ZBTB20: variants seen among roughly 807,000 people sequenced by gnomAD.
The protein encoded by ZBTB20 is zinc finger and BTB domain-containing protein 20.
ZBTB20 carries 9 observed loss-of-function variants against 56.9 expected under a neutral mutation model. That is an observed-to-expected ratio of 0.16 (90% CI 0.10 to 0.28). The LOEUF (loss-of-function observed/expected upper bound fraction) is 0.28, where lower values mean the gene tolerates loss of function less well. Ranked by LOEUF, ZBTB20 falls within the 10% of genes least tolerant of loss-of-function variation. ZBTB20 has a pLI of 1.00. For synonymous variants in ZBTB20, 417 were observed against 420.7 expected (o/e 0.99, Z 0.11); for missense variants, 655 against 1,003.0 (o/e 0.65, Z 4.69).
intron 2 of ZBTB20, among the ~76,000 whole-genome samples, chr3:115,022,147 T>C (rs1171604109): frequency 6.6e-6 from 1 of 150,682 alleles, no homozygotes; most frequent in African/African-American, 2.4e-5. Flanking sequence ...GTAAAAAAGA[T>C]AAATTAAGGA....
rs1036856967 is a variant in ZBTB20 at position 114,454,093 on chromosome 3, AGAGAGG to A, written c.-255+46253_-255+46258del. Among the ~76,000 whole-genome samples, 8 of 150,688 alleles carry A rather than the reference AGAGAGG, an allele frequency of 5.3e-5. No individual in the cohort carries two copies. In the East Asian group the frequency reaches 1.6e-3, roughly 30 times the overall value. On this transcript the variant is annotated intron_variant, in intron 7 of 11. Coordinates refer to ENST00000675478, the MANE Select transcript of ZBTB20 (RefSeq NM_001348800.3). ...CTGGTTAGAAGAGGAAAAAAAGAAG[AGAGAGG>A]GAGAGGGAGAGAGGGGAAGAGGGAT... is the stretch of plus-strand genomic sequence containing the variant.
intron 5 of ZBTB20, among the ~76,000 whole-genome samples, chr3:114,728,260 A>C (rs2108525456): frequency 6.6e-6 from 1 of 152,308 alleles, no homozygotes; most frequent in South Asian, 2.1e-4. Context: ...ACAGTTTATA[A>C]ATTATTCTCA....
At chr3:114,474,257 T>C (rs1446936648) in intron 7 of ZBTB20, among the ~76,000 whole-genome samples, 1 of 152,210 alleles carries the variant, frequency 6.6e-6, no homozygotes, top group Non-Finnish European at 1.5e-5. Flanking sequence ...CAAGTGAAGA[T>C]AGTCTATGGA....
chr3:115,031,003 C>CTGTTT (rs2080652099), intron 2 of ZBTB20, among the ~76,000 whole-genome samples: 3 of 151,524 alleles, frequency 2.0e-5, no homozygotes, highest in African/African-American at 7.2e-5. Context: ...AAGTAATTTT[C>CTGTTT]TGTTTTTATT....
Position 114,350,908 on chromosome 3 carries a change from C to T in ZBTB20, c.1170G>A (p.Val390=). 1 of 1,606,556 alleles carries T rather than the reference C, an allele frequency of 6.2e-7. No homozygotes were observed. Among genetic ancestry groups the T allele is most frequent in the South Asian group, 1.1e-5 (1 of 91,040 alleles). The change falls in exon 11 of 12, where the codon GTG becomes GTA. Residue 390 remains valine (V), a synonymous_variant. Transcript: ENST00000675478. Reference sequence around the variant, plus strand: ...CCGCCCCAGGCCCAAACTGCTGCTCCACCGAGTCAGGCTCGGTGCCTATGG... The same window carrying T: ...CCGCCCCAGGCCCAAACTGCTGCTCTACCGAGTCAGGCTCGGTGCCTATGG... ...SSSIGTEPDS[V]EQQFGPGAAR... is the part of the protein sequence containing the mutation.
At chr3:114,381,714 A>G (rs763511624) in intron 8 of ZBTB20, among the ~76,000 whole-genome samples, 14 of 152,222 alleles carry the variant, frequency 9.2e-5, no homozygotes, top group Non-Finnish European at 1.8e-4. Context: ...TGTGCTGGGT[A>G]GTTAAATCTG....
chr3:115,131,991 C>T (rs1430444871), intron 1 of ZBTB20, among the ~76,000 whole-genome samples: 1 of 152,084 alleles, frequency 6.6e-6, no homozygotes, highest in Non-Finnish European at 1.5e-5. Flanking sequence ...AGTCCCTCCT[C>T]ATTGCTTTTT....
intron 6 of ZBTB20, among the ~76,000 whole-genome samples, chr3:114,550,201 G>A (rs971093043): frequency 6.6e-6 from 1 of 152,190 alleles, no homozygotes; most frequent in Non-Finnish European, 1.5e-5. Context: ...GCCTCCCAAA[G>A]TGCTGGAATT....
intron 4 of ZBTB20, among the ~76,000 whole-genome samples, chr3:114,836,659 C>T (rs904360566): frequency 6.6e-6 from 1 of 152,130 alleles, no homozygotes. Flanking sequence ...TCTAATCCAT[C>T]AATAAGCCGC....
At chr3:115,066,828 T>C (rs980759395) in intron 2 of ZBTB20, among the ~76,000 whole-genome samples, 5 of 152,000 alleles carry the variant, frequency 3.3e-5, no homozygotes, top group Admixed American at 2.0e-4. Context: ...AAATGTCCCT[T>C]CCCCTGTCTT....
chr3:114,718,910 T>C (rs28402241), intron 5 of ZBTB20, among the ~76,000 whole-genome samples: 8 of 152,126 alleles, frequency 5.3e-5, no homozygotes, highest in African/African-American at 1.9e-4. Flanking sequence ...TATACACATA[T>C]GTATTTATTA....
intron 4 of ZBTB20, among the ~76,000 whole-genome samples, chr3:114,868,657 G>C (rs2075868316): frequency 6.6e-6 from 1 of 152,076 alleles, no homozygotes. Flanking sequence ...CCATACATAG[G>C]ATCTTTGTTT....
At chr3:114,533,076 C>T (rs181619896) in intron 6 of ZBTB20, among the ~76,000 whole-genome samples, 6 of 152,118 alleles carry the variant, frequency 3.9e-5, no homozygotes, top group Admixed American at 1.3e-4. Context: ...ACCCGAATGT[C>T]GTTTCTCCTC....
At chr3:114,436,809 T>C (rs1025788996) in intron 7 of ZBTB20, among the ~76,000 whole-genome samples, 2 of 152,106 alleles carry the variant, frequency 1.3e-5, no homozygotes, top group Non-Finnish European at 2.9e-5. Context: ...TGTGGCACTA[T>C]ACTCCAGCCT....
chr3:114,784,891 G>A (rs2070377632), intron 5 of ZBTB20, among the ~76,000 whole-genome samples: 1 of 152,092 alleles, frequency 6.6e-6, no homozygotes. Flanking sequence ...CAGTTAACTG[G>A]AGTACTAACC....
intron 5 of ZBTB20, among the ~76,000 whole-genome samples, chr3:114,716,883 A>C (rs1476103201): frequency 6.6e-6 from 1 of 152,128 alleles, no homozygotes. Flanking sequence ...TGGAATGCAC[A>C]GAAGGGAAAA....
intron 10 of ZBTB20, among the ~76,000 whole-genome samples, chr3:114,374,773 C>T (rs1440717992): frequency 6.6e-6 from 1 of 152,138 alleles, no homozygotes; most frequent in Non-Finnish European, 1.5e-5. Flanking sequence ...TTTTCTGGGG[C>T]CAAAATGTTT....
intron 7 of ZBTB20, among the ~76,000 whole-genome samples, chr3:114,402,713 T>C (rs926797910): frequency 2.6e-5 from 4 of 152,170 alleles, no homozygotes; most frequent in Non-Finnish European, 5.9e-5. Context: ...GTTGGAAAGC[T>C]GGTGGACTAA....
At chr3:114,628,545 A>C (rs1204583401) in intron 6 of ZBTB20, among the ~76,000 whole-genome samples, 1 of 152,158 alleles carries the variant, frequency 6.6e-6, no homozygotes, top group African/African-American at 2.4e-5. Flanking sequence ...TACAAATCTG[A>C]GGACCAGCAC....
Sources: allele counts gnomAD v4.1 joint callset (sites outside exome capture counted in the v4.1 genomes callset), GRCh38; gene constraint gnomAD v4.1.1; transcripts MANE v1.5; gene names NCBI Gene and HGNC (gene_info 2026-07-23, HGNC 2026-07-21).